The following STRADB variants were observed in gnomAD, a reference collection of about 807,000 sequenced individuals.
The protein encoded by STRADB is STE20-related kinase adapter protein beta.
Under a neutral mutation model 52.1 loss-of-function variants are expected in STRADB, and 34 were observed. The observed-to-expected ratio is 0.65, with a 90% CI of 0.50 to 0.87. STRADB has a LOEUF of 0.87. STRADB is among the 40% of genes least tolerant of loss of function. The pLI is 0.00. For missense variants in STRADB, 340 were observed against 483.9 expected (o/e 0.70, Z 2.79); for synonymous variants, 133 against 174.5 (o/e 0.76, Z 1.87).
chr2:201,472,890 GA>G, intron 4 of STRADB, 64 bp from the exon 5 acceptor site: 1 of 1,474,286 alleles, frequency 6.8e-7, no homozygotes, highest in East Asian at 2.4e-5. Flanking sequence ...CAATTTTGAT[GA>G]TGTCTAAATT....
At chr2:201,458,709 T>C in intron 2 of STRADB, 75 bp from the exon 3 acceptor site, 1 of 1,372,364 alleles carries the variant, frequency 7.3e-7, no homozygotes, top group African/African-American at 1.4e-5. Flanking sequence ...TCATTAGACC[T>C]TTTTGTATCT....
intron 4 of STRADB, among the ~76,000 whole-genome samples, chr2:201,471,455 T>G (rs1952386917): frequency 6.6e-6 from 1 of 152,180 alleles, no homozygotes; most frequent in African/African-American, 2.4e-5. Context: ...AGAGAGACAT[T>G]GTGGAATCAT....
intron 7 of STRADB, 93 bp from the exon 8 acceptor site, chr2:201,477,526 C>G: frequency 7.7e-7 from 1 of 1,298,590 alleles, no homozygotes; most frequent in Non-Finnish European, 1.1e-6. Context: ...TATTTAATTT[C>G]CAAGAGAATA....
At chr2:201,471,638 A>G (rs371637731) in intron 4 of STRADB, among the ~76,000 whole-genome samples, 17 of 152,230 alleles carry the variant, frequency 1.1e-4, no homozygotes, top group East Asian at 3.8e-4. Flanking sequence ...CTGCTGCAGG[A>G]CCTGCTATTG....
chr2:201,463,605 T>G (rs1019036755), intron 3 of STRADB, among the ~76,000 whole-genome samples: 5 of 152,186 alleles, frequency 3.3e-5, no homozygotes, highest in African/African-American at 1.2e-4. Flanking sequence ...GGATAACTTC[T>G]TGGATACTTG....
intron 6 of STRADB, among the ~76,000 whole-genome samples, chr2:201,475,375 T>A (rs1227896667): frequency 2.0e-5 from 3 of 152,092 alleles, no homozygotes; most frequent in Non-Finnish European, 4.4e-5. Flanking sequence ...ACACACAGAA[T>A]GTATTTTTAT....
intron 7 of STRADB, 111 bp downstream of exon 7, chr2:201,475,853 T>C: frequency 8.3e-7 from 1 of 1,210,796 alleles, no homozygotes; most frequent in Non-Finnish European, 1.1e-6. Flanking sequence ...AGGAAACTTG[T>C]AAGTGAAAAT....
At chr2:201,460,241 A>T (rs904972711) in intron 3 of STRADB, among the ~76,000 whole-genome samples, 24 of 151,648 alleles carry the variant, frequency 1.6e-4, no homozygotes, top group South Asian at 4.2e-4. Flanking sequence ...GGGGTTTTTT[A>T]AAAAAAAATT....
At chr2:201,478,233 G>A in intron 9 of STRADB, 42 bp downstream of exon 9, 1 of 1,598,360 alleles carries the variant, frequency 6.3e-7, no homozygotes, top group Non-Finnish European at 8.5e-7. Flanking sequence ...CCTTTCATAA[G>A]ACTGCTTACA....
At chr2:201,455,740 T>C (rs370526897) in intron 2 of STRADB, among the ~76,000 whole-genome samples, 1 of 152,128 alleles carries the variant, frequency 6.6e-6, no homozygotes. Flanking sequence ...GTATGATGAT[T>C]TATAGTTTAC....
intron 6 of STRADB, 119 bp downstream of exon 6, chr2:201,474,874 A>G (rs1043219706): frequency 2.4e-5 from 19 of 781,514 alleles, no homozygotes; most frequent in Admixed American, 3.4e-5. Context: ...GACTGATTTT[A>G]GATTTCATGG....
Position 201,474,397 on chromosome 2 carries a change from A to G in STRADB, c.316-250A>G, listed in dbSNP as rs559230846. Among the ~76,000 whole-genome samples the G allele has an allele frequency of 2.5e-4, 38 of 152,216 alleles. 1 individual carries two copies. Among genetic ancestry groups the G allele is most frequent in the African/African-American group, 8.2e-4 (34 of 41,524 alleles). ...GAAACTAAGTTCACATTCTACTTCC[A>G]CTTCTTTTTATTAATTGCATGCTTT... is the stretch of plus-strand genomic sequence containing the variant. On this transcript the variant is annotated intron_variant, in intron 5 of 11. Transcript: ENST00000194530.
At chr2:201,478,246 C>T (rs11686977) in intron 9 of STRADB, 55 bp downstream of exon 9, 1 of 1,589,718 alleles carries the variant, frequency 6.3e-7, no homozygotes, top group Non-Finnish European at 8.6e-7. Flanking sequence ...TGCTTACATT[C>T]TAGATAATTT....
At chr2:201,465,086 C>T (rs994606254) in intron 3 of STRADB, among the ~76,000 whole-genome samples, 65 of 152,104 alleles carry the variant, frequency 4.3e-4, no homozygotes, top group Non-Finnish European at 7.5e-4. Context: ...GGTGCTCTAG[C>T]CTACTGTGGC....
intron 10 of STRADB, among the ~76,000 whole-genome samples, chr2:201,478,934 G>A (rs1316098808): frequency 6.6e-6 from 1 of 151,990 alleles, no homozygotes; most frequent in African/African-American, 2.4e-5. Context: ...ATTAGCCGGT[G>A]TGGTGGCATG....
At chr2:201,466,370 A>C (rs1174038124) in intron 3 of STRADB, among the ~76,000 whole-genome samples, 1 of 152,212 alleles carries the variant, frequency 6.6e-6, no homozygotes, top group Non-Finnish European at 1.5e-5. Context: ...ACTTAGACTA[A>C]AATCTTCAGT....
chr2:201,477,762 C>T lies in STRADB; in HGVS notation c.692C>T (p.Pro231Leu), dbSNP rs202088492. 9.6e-5 allele frequency: 155 copies of T among 1,613,084 alleles called. No individual in the cohort carries two copies. The highest frequency in any genetic ancestry group is 9.5e-5 in the Non-Finnish European group (112 of 1,179,216). Residue 231 changes from proline to leucine, a missense_variant, in exon 8 of 12, where the codon CCG becomes CTG. Physicochemically the swap from Pro to Leu is moderately conservative, Grantham distance 98 (BLOSUM62 -3). Transcript: ENST00000194530. Reference sequence around the variant, plus strand: ...CCACAGTTCAGCACATCAGTGCAGCCGTGGCTGAGTCCAGAACTACTGAGA... The same window carrying T: ...CCACAGTTCAGCACATCAGTGCAGCTGTGGCTGAGTCCAGAACTACTGAGA... ...DFPQFSTSVQPWLSPELLRQD... is the reference protein window; with the variant it reads ...DFPQFSTSVQLWLSPELLRQD...
At chr2:201,454,635 A>G (rs560025337) in intron 1 of STRADB, 111 bp from the exon 2 acceptor site, 1 of 418,474 alleles carries the variant, frequency 2.4e-6, no homozygotes, top group Non-Finnish European at 4.3e-6. Context: ...GTAGCTGCCT[A>G]AATATTGGGT....
chr2:201,462,270 T>C (rs1179752856), intron 3 of STRADB, among the ~76,000 whole-genome samples: 1 of 152,182 alleles, frequency 6.6e-6, no homozygotes, highest in Non-Finnish European at 1.5e-5. Flanking sequence ...TTTCTTCCAC[T>C]ATTTATTTTC....
Sources: gnomAD v4.1 joint callset for allele counts (sites outside exome capture counted in the v4.1 genomes callset) on GRCh38, gnomAD v4.1.1 for gene constraint, MANE v1.5 for transcripts, NCBI Gene and HGNC (gene_info 2026-07-23, HGNC 2026-07-21) for gene names.